MRPL48: variants seen among roughly 807,000 people sequenced by gnomAD.
MRPL48 encodes large ribosomal subunit protein mL48.
Under a neutral mutation model 32.9 loss-of-function variants are expected in MRPL48, and 16 were observed. That is an observed-to-expected ratio of 0.49 (90% CI 0.33 to 0.74). MRPL48 has a LOEUF of 0.74. Ranked by LOEUF, MRPL48 falls within the 30% of genes least tolerant of loss-of-function variation. The pLI, the probability that MRPL48 is intolerant of heterozygous loss-of-function variation, is 0.02. For synonymous variants in MRPL48, 94 were observed against 89.2 expected, an observed-to-expected ratio of 1.05 and a Z score of -0.31; for missense variants, 206 against 245.3, an observed-to-expected ratio of 0.84 and a Z score of 1.07.
chr11:73,843,891 C>T (rs1268844037), intron 4 of MRPL48, among the ~76,000 whole-genome samples: 5 of 152,006 alleles, frequency 3.3e-5, no homozygotes. Flanking sequence ...CCAGTCTGGC[C>T]AACCTTGGTA....
rs1948630585 is a variant in MRPL48, at chr11:73,864,242, G to A, written c.565-54G>A. The A allele has an allele frequency of 3.3e-6, 5 of 1,532,230 alleles. No homozygotes were observed. In the African/African-American group the frequency reaches 4.1e-5, roughly 13 times the overall value. 94.9% of individuals were successfully genotyped at this position (1,532,230 alleles called of 1,614,324 possible). On this transcript the variant is annotated intron_variant, in intron 7 of 7. Transcript: ENST00000310614. ...CCTTTTTGGATGCTGTGCATATCTG[G>A]GTAACTAAAAGCTCTGCAGTAATTA...
chr11:73,809,516 A>AAAAT (rs1216048944), intron 3 of MRPL48, among the ~76,000 whole-genome samples: 1 of 152,132 alleles, frequency 6.6e-6, no homozygotes, highest in African/African-American at 2.4e-5. Context: ...AAAAAAAAAA[A>AAAAT]AAAAGATAAA....
chr11:73,835,509 A>G (rs1158804584), intron 4 of MRPL48, among the ~76,000 whole-genome samples: 1 of 152,236 alleles, frequency 6.6e-6, no homozygotes, highest in Non-Finnish European at 1.5e-5. Flanking sequence ...TTCATTTCGT[A>G]AAATTTACTA....
chr11:73,840,944 A>T (rs1469578645), intron 4 of MRPL48, among the ~76,000 whole-genome samples: 1 of 152,238 alleles, frequency 6.6e-6, no homozygotes, highest in Admixed American at 6.5e-5. Context: ...AGAAAGGCAG[A>T]CAACCCAGTT....
Position 73,825,719 on chromosome 11 carries a change from C to T in MRPL48, c.124C>T (p.Leu42=). Residue 42 remains leucine, a synonymous_variant, in exon 4 of 8, where the codon CTA becomes TTA. Coordinates refer to ENST00000310614, the MANE Select transcript of MRPL48 (RefSeq NM_016055.6). ...TTTCTCTCTTTTAGGTGGAATTCTACTAAGTATCAGTCGGCCCTACAAGAC... is the reference window on the plus strand; with the variant it reads ...TTTCTCTCTTTTAGGTGGAATTCTATTAAGTATCAGTCGGCCCTACAAGAC... ...KPIYSVGGIL[L]SISRPYKTKP... The T allele has an allele frequency of 6.4e-7, 1 of 1,561,748 alleles. No homozygotes were observed. Among genetic ancestry groups the T allele is most frequent in the Non-Finnish European group, 8.7e-7 (1 of 1,152,808 alleles).
intron 3 of MRPL48, among the ~76,000 whole-genome samples, chr11:73,817,544 ACGTGCT>A (rs1947699453): frequency 6.6e-6 from 1 of 152,128 alleles, no homozygotes; most frequent in Non-Finnish European, 1.5e-5. Flanking sequence ...GTAGGTTAAA[ACGTGCT>A]TTCCCTTGTG....
intron 1 of MRPL48, among the ~76,000 whole-genome samples, chr11:73,801,929 A>G (rs771699316): frequency 3.3e-5 from 5 of 152,238 alleles, no homozygotes; most frequent in Non-Finnish European, 7.3e-5. Context: ...TTGATTGTCT[A>G]CAATGTGCCT....
At chr11:73,803,780 CGTTT>C (rs1173457573) in intron 1 of MRPL48, among the ~76,000 whole-genome samples, 1 of 151,846 alleles carries the variant, frequency 6.6e-6, no homozygotes, top group Admixed American at 6.6e-5. Flanking sequence ...AAAGAACAGA[CGTTT>C]GTTTGGAAGA....
intron 1 of MRPL48, among the ~76,000 whole-genome samples, chr11:73,790,014 G>T (rs1252001478): frequency 1.3e-5 from 2 of 151,124 alleles, no homozygotes; most frequent in Non-Finnish European, 2.9e-5. Context: ...TTTTCACTCA[G>T]CCTCATGAGC....
At chr11:73,855,104 T>TTAC (rs1265615388) in intron 5 of MRPL48, among the ~76,000 whole-genome samples, 1 of 152,002 alleles carries the variant, frequency 6.6e-6, no homozygotes, top group Non-Finnish European at 1.5e-5. Flanking sequence ...ACTATTACTA[T>TTAC]TATTATTATT....
chr11:73,841,945 G>T (rs1257302223), intron 4 of MRPL48, among the ~76,000 whole-genome samples: 1 of 151,822 alleles, frequency 6.6e-6, no homozygotes, highest in East Asian at 1.9e-4. Context: ...TTTTGGGGGG[G>T]GGTTTGTTTT....
chr11:73,839,797 G>T (rs1948158897), intron 4 of MRPL48, among the ~76,000 whole-genome samples: 1 of 152,044 alleles, frequency 6.6e-6, no homozygotes, highest in Non-Finnish European at 1.5e-5. Context: ...TTAAAAATAA[G>T]AACTTAATTT....
chr11:73,805,179 A>G (rs1488703022), intron 2 of MRPL48, 100 bp downstream of exon 2: 1 of 977,534 alleles, frequency 1.0e-6, no homozygotes, highest in East Asian at 2.7e-5. Flanking sequence ...CATGTCTATA[A>G]GCACATCATG....
Position 73,864,722 on chromosome 11 carries a change from C to T in MRPL48, c.*352C>T, listed in dbSNP as rs183051784. The T allele has an allele frequency of 2.9e-4, 73 of 248,984 alleles. No homozygotes were observed. The East Asian group carries it at 5.3e-3, about 18-fold the overall frequency. The allele number at this position is 248,984 out of a possible 1,614,324, so 15.4% of individuals were successfully genotyped here. ...CTGTAATCCCAGCACTTTGCGAGGC[C>T]GAGGCAGGAGGACTGCTCGAGGCCA... On this transcript the variant is annotated 3_prime_UTR_variant, in exon 8 of 8. Transcript: ENST00000310614.
chr11:73,861,218 T>C lies in MRPL48; in HGVS notation c.474+1209T>C, dbSNP rs187638400. 2.5e-3 allele frequency among the ~76,000 whole-genome samples: 374 copies of C among 152,352 alleles called. 9 individuals carry two copies. The highest frequency in any genetic ancestry group is 0.023 in the Admixed American group (345 of 15,302). ...TATCAGGATTAAATTATTTATAATATATCCTGTGACAGATCTGACATGCCA... is the reference window on the plus strand; with the variant it reads ...TATCAGGATTAAATTATTTATAATACATCCTGTGACAGATCTGACATGCCA... On this transcript the variant is annotated intron_variant, in intron 6 of 7. Transcript: ENST00000310614.
At chr11:73,794,194 A>ATCTG (rs368245694) in intron 1 of MRPL48, among the ~76,000 whole-genome samples, 6,295 of 150,284 alleles carry the variant, frequency 0.042, 175 homozygotes, top group African/African-American at 0.075. Flanking sequence ...GTATCTATCT[A>ATCTG]TCTATCTATC....
chr11:73,823,532 A>C (rs1947821482), intron 3 of MRPL48, among the ~76,000 whole-genome samples: 1 of 152,096 alleles, frequency 6.6e-6, no homozygotes. Flanking sequence ...ACTCAGGTCT[A>C]TCTGACTGAA....
At chr11:73,792,724 T>A (rs963186539) in intron 1 of MRPL48, among the ~76,000 whole-genome samples, 5 of 152,202 alleles carry the variant, frequency 3.3e-5, no homozygotes, top group African/African-American at 4.8e-5. Flanking sequence ...AGCTTTTCTA[T>A]TTTGTTAATG....
chr11:73,855,677 G>A (rs1948471723), intron 5 of MRPL48, among the ~76,000 whole-genome samples: 2 of 152,070 alleles, frequency 1.3e-5, no homozygotes, highest in African/African-American at 2.4e-5. Context: ...TAGTGGAGAC[G>A]GGGTTTCGCC....
Sources: gnomAD v4.1 joint callset for allele counts (sites outside exome capture counted in the v4.1 genomes callset) on GRCh38, gnomAD v4.1.1 for gene constraint, MANE v1.5 for transcripts, NCBI Gene and HGNC (gene_info 2026-07-23, HGNC 2026-07-21) for gene names.